The following SPOCK1 variants were observed in gnomAD, a reference collection of about 807,000 sequenced individuals.
SPOCK1 encodes the protein SPARC (osteonectin), cwcv and kazal like domains proteoglycan 1.
Under a neutral mutation model 55.3 loss-of-function variants are expected in SPOCK1, and 23 were observed. The ratio of observed to expected loss-of-function variants is 0.42; its 90% CI spans 0.30 to 0.59. The LOEUF (loss-of-function observed/expected upper bound fraction) is 0.59, where lower values mean the gene tolerates loss of function less well. Among genes scored for constraint, SPOCK1 ranks in the 20% least tolerant of loss-of-function variants. SPOCK1 has a pLI of 0.22. For missense variants in SPOCK1, 499 were observed against 552.5 expected (o/e 0.90, Z 0.97); for synonymous variants, 226 against 221.0 (o/e 1.02, Z -0.20).
intron 1 of SPOCK1, 54 bp from the exon 2 acceptor site, chr5:137,498,612 C>T: frequency 8.0e-7 from 1 of 1,246,432 alleles, no homozygotes; most frequent in Non-Finnish European, 1.0e-6. Context: ...GGCCGCGAGC[C>T]CCGGGCACCC....
chr5:137,301,255 G>A (rs903813171), intron 2 of SPOCK1, among the ~76,000 whole-genome samples: 2 of 152,208 alleles, frequency 1.3e-5, no homozygotes, highest in African/African-American at 4.8e-5. Context: ...TTCTCCTCCA[G>A]CCTGGACAAA....
At chr5:137,292,032 CA>C (rs1463375297) in intron 2 of SPOCK1, among the ~76,000 whole-genome samples, 34 of 152,124 alleles carry the variant, frequency 2.2e-4, no homozygotes, top group Non-Finnish European at 2.1e-4. Context: ...AGAATAAATC[CA>C]ATGTGCCAAA....
In SPOCK1 at chr5:136,999,896, A is replaced by G. The variant is rs186465907; in HGVS notation, c.590-7296T>C. ...GATAGCTGTAAACCTCTGTTGGGGA[A>G]CCAATTACTGGTATATTCTTGTAAT... On this transcript the variant is annotated intron_variant, in intron 6 of 10. Coordinates refer to ENST00000394945, the MANE Select transcript of SPOCK1 (RefSeq NM_004598.4). 2.0e-3 allele frequency among the ~76,000 whole-genome samples: 299 copies of G among 152,214 alleles called. 5 individuals carry two copies. The South Asian group carries it at 0.034, about 17-fold the overall frequency.
At chr5:137,484,986 A>G (rs1342404704) in intron 2 of SPOCK1, among the ~76,000 whole-genome samples, 1 of 152,204 alleles carries the variant, frequency 6.6e-6, no homozygotes, top group Non-Finnish European at 1.5e-5. Context: ...CAGCAATGAT[A>G]ATAAAACCAC....
chr5:137,007,531 A>C (rs1751273198), intron 6 of SPOCK1, among the ~76,000 whole-genome samples: 2 of 152,236 alleles, frequency 1.3e-5, no homozygotes, highest in Non-Finnish European at 1.5e-5. Context: ...CAAGCAACAT[A>C]TGAAAAAAGC....
intron 2 of SPOCK1, among the ~76,000 whole-genome samples, chr5:137,300,412 C>T (rs1757566852): frequency 6.6e-6 from 1 of 152,172 alleles, no homozygotes; most frequent in African/African-American, 2.4e-5. Context: ...ACTCCTGTTT[C>T]TTCACATGCC....
chr5:137,356,441 T>C (rs189260715), intron 2 of SPOCK1, among the ~76,000 whole-genome samples: 1,631 of 152,140 alleles, frequency 0.011, 23 homozygotes, highest in South Asian at 0.039. Flanking sequence ...GAGTGCTCTT[T>C]TGTTGCTGTT....
At position 137,043,137 on chromosome 5, in the gene SPOCK1, T is replaced by TG. The variant is rs765598291; in HGVS notation, c.589+24577dup. Among the ~76,000 whole-genome samples, 88 of 152,196 alleles carry TG rather than the reference T, an allele frequency of 5.8e-4. 1 individual carries two copies. Among genetic ancestry groups the TG allele is most frequent in the Admixed American group, 1.8e-3 (28 of 15,290 alleles). ...AGTAGGTAAATAAAATACACCACAG[T>TG]GGGGGTATGTCAAAGGGACACAAGA... On this transcript the variant is annotated intron_variant, in intron 6 of 10. Coordinates refer to ENST00000394945, the MANE Select transcript of SPOCK1 (RefSeq NM_004598.4).
In SPOCK1 at chr5:137,323,798, G is replaced by A. The variant is rs1199439389; in HGVS notation, c.187-56743C>T. 2.0e-5 allele frequency among the ~76,000 whole-genome samples: 3 copies of A among 152,150 alleles called. No individual in the cohort carries two copies. In the East Asian group the frequency reaches 5.8e-4, roughly 29 times the overall value. On this transcript the variant is annotated intron_variant, in intron 2 of 10. Transcript: ENST00000394945. The stretch of plus-strand genomic sequence containing the variant: ...AATACGATATTACCTCAACCTGCTG[G>A]AATGACTATCACCAAAAACACAAAA...
chr5:137,276,057 TA>T (rs1757061019), intron 2 of SPOCK1, among the ~76,000 whole-genome samples: 1 of 152,112 alleles, frequency 6.6e-6, no homozygotes, highest in Non-Finnish European at 1.5e-5. Flanking sequence ...CCCTCCTGCT[TA>T]AAATGCTGGA....
intron 2 of SPOCK1, among the ~76,000 whole-genome samples, chr5:137,411,445 G>C (rs1000075274): frequency 1.3e-5 from 2 of 152,242 alleles, no homozygotes; most frequent in East Asian, 3.9e-4. Context: ...GGACCTTGTT[G>C]GGCATGTTGA....
chr5:137,317,827 T>G (rs1433725308), intron 2 of SPOCK1, among the ~76,000 whole-genome samples: 1 of 152,244 alleles, frequency 6.6e-6, no homozygotes, highest in Non-Finnish European at 1.5e-5. Context: ...TTTTCTCTTA[T>G]TTTACTCCAT....
At chr5:137,081,833 C>G (rs1752882027) in intron 5 of SPOCK1, among the ~76,000 whole-genome samples, 1 of 152,208 alleles carries the variant, frequency 6.6e-6, no homozygotes, top group Non-Finnish European at 1.5e-5. Flanking sequence ...CTTGGCATCA[C>G]CTCTGTGAAA....
intron 4 of SPOCK1, among the ~76,000 whole-genome samples, chr5:137,124,535 G>C (rs1370637147): frequency 1.3e-5 from 2 of 152,214 alleles, no homozygotes; most frequent in African/African-American, 4.8e-5. Context: ...GGCTGAGGCA[G>C]TCCTTAAGGA....
intron 6 of SPOCK1, 73 bp downstream of exon 6, chr5:137,067,642 G>A: frequency 7.6e-7 from 1 of 1,315,946 alleles, no homozygotes; most frequent in Non-Finnish European, 1.1e-6. Flanking sequence ...GCCTGGGACA[G>A]AGCTCGGCCA....
intron 3 of SPOCK1, among the ~76,000 whole-genome samples, chr5:137,194,964 G>A (rs181024602): frequency 4.6e-5 from 7 of 152,250 alleles, no homozygotes; most frequent in African/African-American, 1.2e-4. Flanking sequence ...TGAAAACAAC[G>A]TGCTGAGAGC....
intron 6 of SPOCK1, among the ~76,000 whole-genome samples, chr5:137,018,359 G>A (rs1312517852): frequency 1.3e-5 from 2 of 152,194 alleles, no homozygotes; most frequent in African/African-American, 4.8e-5. Flanking sequence ...GGTCAACGTG[G>A]AACCATCACT....
intron 4 of SPOCK1, among the ~76,000 whole-genome samples, chr5:137,126,850 T>C (rs995568927): frequency 1.8e-4 from 28 of 152,142 alleles, no homozygotes; most frequent in African/African-American, 6.3e-4. Flanking sequence ...CTGTGGAAGG[T>C]AGAACTTGCA....
intron 6 of SPOCK1, among the ~76,000 whole-genome samples, chr5:137,027,452 CTT>C (rs924232466): frequency 6.6e-6 from 1 of 152,168 alleles, no homozygotes; most frequent in African/African-American, 2.4e-5. Flanking sequence ...TCCAATATAA[CTT>C]TGGTGATGAT....
Sources: allele counts gnomAD v4.1 joint callset (sites outside exome capture counted in the v4.1 genomes callset), GRCh38; gene constraint gnomAD v4.1.1; transcripts MANE v1.5; gene names NCBI Gene and HGNC (gene_info 2026-07-23, HGNC 2026-07-21).